The following GLI2 variants were observed in gnomAD, a reference collection of about 807,000 sequenced individuals.
The protein encoded by GLI2 is transcription activator GLI2.
Under a neutral mutation model 78.9 loss-of-function variants are expected in GLI2, and 22 were observed. The ratio of observed to expected loss-of-function variants is 0.28; its 90% CI spans 0.20 to 0.40. The LOEUF (loss-of-function observed/expected upper bound fraction) is 0.40, where lower values mean the gene tolerates loss of function less well. GLI2 is among the 10% of genes least tolerant of loss of function. The pLI, the probability that GLI2 is intolerant of heterozygous loss-of-function variation, is 1.00. For synonymous variants in GLI2, 974 were observed against 963.7 expected, an observed-to-expected ratio of 1.01 and a Z score of -0.20; for missense variants, 2,097 against 2,213.2, an observed-to-expected ratio of 0.95 and a Z score of 1.05.
At chr2:120,920,140 A>G (rs1400189607) in intron 2 of GLI2, among the ~76,000 whole-genome samples, 2 of 152,190 alleles carry the variant, frequency 1.3e-5, no homozygotes. Context: ...GATGGTGCTA[A>G]TCTCTAGGAC....
chr2:120,809,810 C>G (rs922877553), intron 2 of GLI2, among the ~76,000 whole-genome samples: 1 of 152,192 alleles, frequency 6.6e-6, no homozygotes, highest in Non-Finnish European at 1.5e-5. Flanking sequence ...TAAATAATTA[C>G]ATTAAGGGTG....
At chr2:120,806,619 C>T (rs1393292463) in intron 2 of GLI2, among the ~76,000 whole-genome samples, 1 of 152,140 alleles carries the variant, frequency 6.6e-6, no homozygotes, top group Non-Finnish European at 1.5e-5. Flanking sequence ...GTCCATATGT[C>T]TCCTGCCTGG....
chr2:120,845,762 A>G (rs1313012511), intron 2 of GLI2, among the ~76,000 whole-genome samples: 1 of 152,158 alleles, frequency 6.6e-6, no homozygotes, highest in African/African-American at 2.4e-5. Context: ...GTGGCAAATC[A>G]TCCACTTAGT....
At chr2:120,802,788 A>G (rs1442359192) in intron 2 of GLI2, among the ~76,000 whole-genome samples, 1 of 152,226 alleles carries the variant, frequency 6.6e-6, no homozygotes, top group Non-Finnish European at 1.5e-5. Flanking sequence ...ATGTACCTGC[A>G]ATGGCCAACG....
At chr2:120,953,015 T>C (rs1371921898) in intron 4 of GLI2, among the ~76,000 whole-genome samples, 1 of 152,254 alleles carries the variant, frequency 6.6e-6, no homozygotes, top group African/African-American at 2.4e-5. Flanking sequence ...AACGGGTTGA[T>C]GGTCACACCT....
intron 2 of GLI2, among the ~76,000 whole-genome samples, chr2:120,903,977 C>A (rs892986069): frequency 7.2e-5 from 11 of 152,112 alleles, no homozygotes; most frequent in African/African-American, 2.4e-4. Context: ...TGGGGAGGGG[C>A]AGGTGGGCAG....
chr2:120,764,996 C>T (rs951309771), intron 1 of GLI2, among the ~76,000 whole-genome samples: 1 of 152,192 alleles, frequency 6.6e-6, no homozygotes, highest in Admixed American at 6.5e-5. Flanking sequence ...ATTTGCCCAG[C>T]AGAAGTGGCA....
chr2:120,751,980 T>C (rs1485178106), intron 1 of GLI2, among the ~76,000 whole-genome samples: 2 of 152,188 alleles, frequency 1.3e-5, no homozygotes, highest in Admixed American at 1.3e-4. Context: ...GTAATAAAGA[T>C]ACAAAAGGTT....
chr2:120,766,268 G>A lies in GLI2; in HGVS notation c.-31+29983G>A, dbSNP rs57665692. ...TCCAGGAAATGCAGCAGGCAAGCGC[G>A]TCACTTCCTGCCACCCAGACAGTGT... On this transcript the variant is annotated intron_variant, in intron 1 of 13. Coordinates refer to ENST00000361492, the MANE Select transcript of GLI2 (RefSeq NM_001374353.1). 7.1e-4 allele frequency among the ~76,000 whole-genome samples: 108 copies of A among 152,316 alleles called. No individual in the cohort carries two copies. In the East Asian group the frequency reaches 0.02, roughly 28 times the overall value.
intron 2 of GLI2, among the ~76,000 whole-genome samples, chr2:120,835,782 A>T (rs1338321700): frequency 6.6e-6 from 1 of 152,008 alleles, no homozygotes; most frequent in Non-Finnish European, 1.5e-5. Context: ...ACAGAAAGAG[A>T]TGTGTGTGTG....
chr2:120,985,941 TG>T (rs1466904018), intron 12 of GLI2, among the ~76,000 whole-genome samples: 1 of 152,226 alleles, frequency 6.6e-6, no homozygotes, highest in Non-Finnish European at 1.5e-5. Flanking sequence ...TCAGGGTACA[TG>T]GCTGTTGGTG....
intron 1 of GLI2, among the ~76,000 whole-genome samples, chr2:120,736,933 G>C (rs1280150320): frequency 3.4e-5 from 5 of 148,352 alleles, no homozygotes; most frequent in African/African-American, 1.3e-4. Context: ...AGATCCGCTT[G>C]ACTTCCCAAA....
chr2:120,861,370 G>A (rs1318807551), intron 2 of GLI2, among the ~76,000 whole-genome samples: 1 of 152,194 alleles, frequency 6.6e-6, no homozygotes, highest in Non-Finnish European at 1.5e-5. Context: ...CTTCCTGGAG[G>A]CACCTCCTGT....
intron 5 of GLI2, among the ~76,000 whole-genome samples, chr2:120,955,987 G>A (rs1681243833): frequency 6.6e-6 from 1 of 152,156 alleles, no homozygotes; most frequent in South Asian, 2.1e-4. Flanking sequence ...TCCAGGTGGG[G>A]TCTTGCCAGC....
intron 2 of GLI2, among the ~76,000 whole-genome samples, chr2:120,902,637 A>G (rs759273462): frequency 8.6e-5 from 13 of 152,038 alleles, no homozygotes; most frequent in South Asian, 2.1e-4. Flanking sequence ...GTGAACCTGA[A>G]CTTTGACATT....
chr2:120,818,954 AG>A (rs1685635721), intron 2 of GLI2, among the ~76,000 whole-genome samples: 1 of 140,762 alleles, frequency 7.1e-6, no homozygotes, highest in Non-Finnish European at 1.6e-5. Flanking sequence ...ACCCACTTCT[AG>A]GTTACGTGCT....
intron 5 of GLI2, among the ~76,000 whole-genome samples, chr2:120,960,216 G>A (rs1436375262): frequency 2.6e-5 from 4 of 152,188 alleles, no homozygotes; most frequent in African/African-American, 4.8e-5. Flanking sequence ...GTTCCTGGGC[G>A]GGACCAAGAA....
intron 2 of GLI2, among the ~76,000 whole-genome samples, chr2:120,896,786 G>T (rs1329191030): frequency 6.6e-6 from 1 of 151,478 alleles, no homozygotes; most frequent in Non-Finnish European, 1.5e-5. Context: ...CCCCAGCTTG[G>T]GCGTTAATCC....
At chr2:120,900,225 G>A (rs169355) in intron 2 of GLI2, among the ~76,000 whole-genome samples, 8,903 of 152,110 alleles carry the variant, frequency 0.059, 396 homozygotes, top group African/African-American at 0.12. Context: ...TTTCCCTTCC[G>A]GCTCTTTCTT....
Sources: gnomAD v4.1 joint callset for allele counts (sites outside exome capture counted in the v4.1 genomes callset) on GRCh38, gnomAD v4.1.1 for gene constraint, MANE v1.5 for transcripts, NCBI Gene and HGNC (gene_info 2026-07-23, HGNC 2026-07-21) for gene names.